Variants in CCDC3 observed in about 807,000 individuals in gnomAD.
CCDC3 encodes coiled-coil domain-containing protein 3.
In CCDC3, 24 loss-of-function variants were observed where a neutral mutation model predicts 21.4. The ratio of observed to expected loss-of-function variants is 1.12; its 90% confidence interval spans 0.81 to 1.58. The LOEUF is 1.58. CCDC3 is among the 40% of genes most tolerant of loss of function. The probability of loss-of-function intolerance (pLI) is 0.00; values close to 1 mark genes in which losing one functional copy is unlikely to be tolerated. For synonymous variants in CCDC3, 186 were observed against 166.0 expected, an observed-to-expected ratio of 1.12 and a Z score of -0.93; for missense variants, 425 against 360.9, an observed-to-expected ratio of 1.18 and a Z score of -1.44.
Position 13,037,631 on chromosome 10 carries a change from T to C in CCDC3, c.-2+12043A>G, listed in dbSNP as rs114277833. ...ACCCCCCTCTGAATTTGGCTGCAAA[T>C]TCATCTCTTAAGCTTTGAACCCCTT... On this transcript the variant is annotated intron_variant, in intron 5 of 6. Transcript: ENST00000378839. Among the ~76,000 whole-genome samples, 331 of 152,266 alleles carry C rather than the reference T, an allele frequency of 2.2e-3. 1 individual carries two copies. Among genetic ancestry groups the C allele is most frequent in the African/African-American group, 7.5e-3 (311 of 41,552 alleles).
intron 5 of CCDC3, among the ~76,000 whole-genome samples, chr10:13,041,917 G>A (rs2668912): frequency 0.19 from 28,522 of 150,848 alleles, 2,937 homozygotes; most frequent in Middle Eastern, 0.32. Context: ...GTGAGCCACC[G>A]TGCCCAGCCC....
At chr10:12,964,273 G>A (rs1485712145) in intron 2 of CCDC3, among the ~76,000 whole-genome samples, 1 of 152,018 alleles carries the variant, frequency 6.6e-6, no homozygotes, top group African/African-American at 2.4e-5. Context: ...TCAGGAGGCT[G>A]AGGCAGGAGA....
chr10:12,921,638 T>C (rs1434473652), intron 2 of CCDC3, among the ~76,000 whole-genome samples: 1 of 152,254 alleles, frequency 6.6e-6, no homozygotes, highest in Non-Finnish European at 1.5e-5. Flanking sequence ...ACAATTACAT[T>C]GTTGTGCAAC....
At chr10:12,997,410 G>GCT (rs1835778806) in intron 2 of CCDC3, among the ~76,000 whole-genome samples, 1 of 152,200 alleles carries the variant, frequency 6.6e-6, no homozygotes, top group Admixed American at 6.5e-5. Flanking sequence ...CAACTTGGTT[G>GCT]TGGCAAAGCC....
At chr10:13,028,388 T>C (rs1213035361) in intron 5 of CCDC3, among the ~76,000 whole-genome samples, 1 of 152,202 alleles carries the variant, frequency 6.6e-6, no homozygotes, top group Non-Finnish European at 1.5e-5. Context: ...TTTTTCTTTA[T>C]AAATCACCCA....
chr10:12,916,621 G>C (rs1346272739), intron 2 of CCDC3, among the ~76,000 whole-genome samples: 1 of 142,284 alleles, frequency 7.0e-6, no homozygotes, highest in African/African-American at 2.6e-5. Context: ...CTCCATCTCA[G>C]AAAAAAAAAA....
chr10:13,047,508 C>A (rs1244984456), intron 5 of CCDC3, among the ~76,000 whole-genome samples: 1 of 152,190 alleles, frequency 6.6e-6, no homozygotes, highest in Non-Finnish European at 1.5e-5. Flanking sequence ...ACAATAAAAT[C>A]TGCATAGCAA....
Position 12,898,584 on chromosome 10 carries a change from C to A in CCDC3, c.645G>T (p.Arg215=). The part of the protein sequence containing the change: ...QKVATLEKRN[R]QLRERVKKVK... ...CCTTCTTCACTCGCTCCCGGAGCTG[C>A]CGGTTGCGCTTCTCCAGGGTGGCCA... Residue 215 remains arginine, a synonymous_variant, in exon 3 of 3, where the codon CGG becomes CGT. Transcript: ENST00000378825. 1 of 1,614,226 alleles carries A rather than the reference C, an allele frequency of 6.2e-7. No homozygotes were observed. The highest frequency in any genetic ancestry group is 8.5e-7 in the Non-Finnish European group (1 of 1,180,040).
chr10:12,996,260 A>G (rs1835760326), intron 2 of CCDC3, among the ~76,000 whole-genome samples: 1 of 152,226 alleles, frequency 6.6e-6, no homozygotes, highest in Admixed American at 6.5e-5. Flanking sequence ...GCGTTCAGAA[A>G]GTTCTAACTT....
At chr10:13,036,194 A>C (rs1454801276) in intron 5 of CCDC3, among the ~76,000 whole-genome samples, 1 of 152,132 alleles carries the variant, frequency 6.6e-6, no homozygotes, top group African/African-American at 2.4e-5. Context: ...ACCAGGATGA[A>C]GTAATACAGA....
chr10:12,934,338 A>AT (rs1834700827), intron 2 of CCDC3, among the ~76,000 whole-genome samples: 1 of 151,912 alleles, frequency 6.6e-6, no homozygotes, highest in Admixed American at 6.6e-5. Context: ...ATTCTTTTTG[A>AT]TTTTTTAAGG....
intron 2 of CCDC3, among the ~76,000 whole-genome samples, chr10:12,980,615 A>G (rs1384802476): frequency 2.0e-5 from 3 of 152,182 alleles, no homozygotes; most frequent in Admixed American, 2.0e-4. Flanking sequence ...ATGAGCTAAG[A>G]TGTCCTCCCG....
At chr10:12,950,049 C>G (rs1018910801) in intron 2 of CCDC3, among the ~76,000 whole-genome samples, 1 of 152,212 alleles carries the variant, frequency 6.6e-6, no homozygotes, top group Non-Finnish European at 1.5e-5. Context: ...GTGCTCATCT[C>G]TGCTGTCTCT....
intron 2 of CCDC3, among the ~76,000 whole-genome samples, chr10:12,901,966 C>T (rs1432159336): frequency 1.3e-5 from 2 of 152,182 alleles, no homozygotes; most frequent in Non-Finnish European, 2.9e-5. Context: ...TCTGTGGTCC[C>T]CTTTCACGAT....
At chr10:13,065,000 C>A (rs1008037944) in intron 4 of CCDC3, among the ~76,000 whole-genome samples, 12 of 151,710 alleles carry the variant, frequency 7.9e-5, no homozygotes, top group African/African-American at 2.7e-4. Flanking sequence ...GCAGGTTGTC[C>A]CTAAGCAATT....
intron 5 of CCDC3, among the ~76,000 whole-genome samples, chr10:13,048,420 C>T (rs992913987): frequency 1.3e-5 from 2 of 152,102 alleles, no homozygotes; most frequent in Non-Finnish European, 2.9e-5. Context: ...TCTTGATTTC[C>T]TGACCTTGTG....
chr10:13,020,369 G>A (rs1393057648), intron 5 of CCDC3, among the ~76,000 whole-genome samples: 1 of 152,160 alleles, frequency 6.6e-6, no homozygotes. Flanking sequence ...AGTTAGCGCG[G>A]TTTAGCAAGA....
chr10:12,904,362 G>A (rs1289350177), intron 2 of CCDC3, among the ~76,000 whole-genome samples: 3 of 149,184 alleles, frequency 2.0e-5, no homozygotes, highest in Non-Finnish European at 3.0e-5. Context: ...CCAGCTACTT[G>A]GGAGGCTGAA....
chr10:13,012,800 G>A (rs1311369124), intron 5 of CCDC3, among the ~76,000 whole-genome samples: 1 of 151,594 alleles, frequency 6.6e-6, no homozygotes, highest in Admixed American at 6.6e-5. Flanking sequence ...AAAAACTGTT[G>A]AGTACTATGC....
Sources: gnomAD v4.1 joint callset for allele counts (sites outside exome capture counted in the v4.1 genomes callset) on GRCh38, gnomAD v4.1.1 for gene constraint, MANE v1.5 for transcripts, NCBI Gene and HGNC (gene_info 2026-07-23, HGNC 2026-07-21) for gene names.